The following USP10 variants were observed in gnomAD, a reference collection of about 807,000 sequenced individuals.
USP10 encodes ubiquitin specific peptidase 10.
USP10 carries 22 observed loss-of-function variants against 84.5 expected under a neutral mutation model. That is an observed-to-expected ratio of 0.26 (90% CI 0.19 to 0.37). USP10 has a LOEUF of 0.37. USP10 is among the 10% of genes least tolerant of loss of function. The probability of loss-of-function intolerance (pLI) is 1.00; values close to 1 mark genes in which losing one functional copy is unlikely to be tolerated. For synonymous variants in USP10, 454 were observed against 387.6 expected (o/e 1.17, Z -2.01); for missense variants, 1,019 against 998.9 (o/e 1.02, Z -0.27).
intron 11 of USP10, 127 bp from the exon 12 acceptor site, chr16:84,772,414 A>G (rs1412220789): frequency 2.3e-6 from 3 of 1,321,014 alleles, no homozygotes; most frequent in Non-Finnish European, 3.2e-6. Flanking sequence ...AGGAAAAGCC[A>G]TGAAGTCCTG....
At chr16:84,771,800 G>T (rs537172614) in intron 11 of USP10, among the ~76,000 whole-genome samples, 2 of 152,062 alleles carry the variant, frequency 1.3e-5, no homozygotes, top group Non-Finnish European at 2.9e-5. Context: ...CCCGGGAGAC[G>T]GATGTTGCAG....
chr16:84,726,933 C>T (rs1908567861), intron 1 of USP10, among the ~76,000 whole-genome samples: 1 of 152,210 alleles, frequency 6.6e-6, no homozygotes, highest in South Asian at 2.1e-4. Flanking sequence ...CCCCAGTGTT[C>T]TGACTCTGGC....
chr16:84,757,068 C>T (rs151301843), intron 4 of USP10, among the ~76,000 whole-genome samples: 219 of 152,242 alleles, frequency 1.4e-3, no homozygotes, highest in African/African-American at 4.9e-3. Flanking sequence ...CTATCTCTGA[C>T]AGTAGGGTTA....
At chr16:84,713,476 G>T (rs139942611) in intron 1 of USP10, among the ~76,000 whole-genome samples, 7 of 152,164 alleles carry the variant, frequency 4.6e-5, no homozygotes, top group African/African-American at 1.7e-4. Context: ...CTATCCTGAC[G>T]TGTGTGTCTG....
At chr16:84,770,159 C>T (rs558304678) in intron 11 of USP10, among the ~76,000 whole-genome samples, 20 of 152,140 alleles carry the variant, frequency 1.3e-4, no homozygotes, top group Admixed American at 2.6e-4. Flanking sequence ...TGGTGGACTC[C>T]GGAAGATAAA....
chr16:84,736,624 C>T (rs1051025728), intron 2 of USP10, among the ~76,000 whole-genome samples: 1 of 152,224 alleles, frequency 6.6e-6, no homozygotes, highest in Non-Finnish European at 1.5e-5. Flanking sequence ...AGAAAATGCT[C>T]ACCATTCTTT....
At chr16:84,739,958 CTG>C (rs1368654213) in intron 2 of USP10, among the ~76,000 whole-genome samples, 12 of 152,198 alleles carry the variant, frequency 7.9e-5, no homozygotes, top group Admixed American at 3.3e-4. Flanking sequence ...ACAAAAGTGT[CTG>C]TGGTCTGGAT....
intron 1 of USP10, among the ~76,000 whole-genome samples, chr16:84,706,698 G>A (rs1022030882): frequency 2.0e-5 from 3 of 151,712 alleles, no homozygotes; most frequent in African/African-American, 7.3e-5. Context: ...GCGCCACCAC[G>A]CCCAGCTAAT....
At chr16:84,709,566 G>A (rs1906005697) in intron 1 of USP10, among the ~76,000 whole-genome samples, 1 of 152,078 alleles carries the variant, frequency 6.6e-6, no homozygotes, top group Non-Finnish European at 1.5e-5. Context: ...AGACTCACGG[G>A]GTCGCAGTGG....
intron 1 of USP10, chr16:84,732,339 C>G: frequency 2.8e-6 from 1 of 353,602 alleles, no homozygotes; most frequent in Non-Finnish European, 5.4e-6. Flanking sequence ...CAGTACTGAT[C>G]ATACGTGGGC....
intron 1 of USP10, among the ~76,000 whole-genome samples, chr16:84,702,483 CTTGGTTGCCTA>C (rs1567581250): frequency 1.3e-5 from 2 of 152,010 alleles, no homozygotes; most frequent in Non-Finnish European, 2.9e-5. Flanking sequence ...ATTTGTTTTA[CTTGGTTGCCTA>C]CTGTCCTAAG....
intron 4 of USP10, among the ~76,000 whole-genome samples, chr16:84,758,251 G>A (rs983476280): frequency 6.6e-6 from 1 of 152,194 alleles, no homozygotes; most frequent in Admixed American, 6.5e-5. Context: ...GTGATGTGTA[G>A]GGTCAGCATT....
intron 1 of USP10, among the ~76,000 whole-genome samples, chr16:84,707,860 C>T (rs1022589233): frequency 7.2e-5 from 11 of 152,140 alleles, no homozygotes; most frequent in African/African-American, 2.4e-4. Flanking sequence ...AGGCGAATCA[C>T]TCAAGCTCAG....
intron 1 of USP10, among the ~76,000 whole-genome samples, chr16:84,723,677 T>C (rs2150782506): frequency 6.6e-6 from 1 of 152,368 alleles, no homozygotes; most frequent in African/African-American, 2.4e-5. Context: ...AACTTCTGGC[T>C]AAACAAAGAT....
chr16:84,729,747 T>C (rs1368511940), intron 1 of USP10, among the ~76,000 whole-genome samples: 1 of 152,198 alleles, frequency 6.6e-6, no homozygotes, highest in Admixed American at 6.5e-5. Flanking sequence ...GTGATTCACG[T>C]GTATTTTGAT....
At chr16:84,731,120 C>CA (rs1315654711) in intron 1 of USP10, among the ~76,000 whole-genome samples, 1 of 151,672 alleles carries the variant, frequency 6.6e-6, no homozygotes, top group Non-Finnish European at 1.5e-5. Flanking sequence ...GCTGGGACTA[C>CA]AGGTGCATGC....
At chr16:84,700,403 T>C (rs1904694046) in intron 1 of USP10, among the ~76,000 whole-genome samples, 1 of 151,790 alleles carries the variant, frequency 6.6e-6, no homozygotes, top group Non-Finnish European at 1.5e-5. Context: ...TCCCTGGGGC[T>C]GGACCGCGGG....
chr16:84,724,218 A>G (rs1199430904), intron 1 of USP10, among the ~76,000 whole-genome samples: 2 of 152,208 alleles, frequency 1.3e-5, no homozygotes, highest in African/African-American at 2.4e-5. Context: ...CAGTTCTAAT[A>G]TAGACACAGG....
chr16:84,767,571 A>T (rs1235895542), intron 10 of USP10, among the ~76,000 whole-genome samples: 3 of 152,174 alleles, frequency 2.0e-5, no homozygotes, highest in Non-Finnish European at 2.9e-5. Context: ...ACTTGGAGAA[A>T]ATGGAAAGCA....
Sources: allele counts gnomAD v4.1 joint callset (sites outside exome capture counted in the v4.1 genomes callset), GRCh38; gene constraint gnomAD v4.1.1; transcripts MANE v1.5; gene names NCBI Gene and HGNC (gene_info 2026-07-23, HGNC 2026-07-21).